IL3RA: variants seen among roughly 807,000 people sequenced by gnomAD.
IL3RA encodes interleukin-3 receptor subunit alpha.
A neutral mutation model predicts 52.3 loss-of-function variants in IL3RA; 73 were observed. The observed-to-expected ratio is 1.40, with a 90% CI of 1.16 to 1.70. The LOEUF (loss-of-function observed/expected upper bound fraction) is 1.70. Among genes scored for constraint, IL3RA ranks in the 40% most tolerant of loss-of-function variants. The pLI is 0.00. For missense variants in IL3RA, 664 were observed against 504.4 expected (o/e 1.32, Z -3.03); for synonymous variants, 260 against 194.0 (o/e 1.34, Z -2.83).
intron 2 of IL3RA, among the ~76,000 whole-genome samples, chrX:1,343,742 G>A (rs1268400840): frequency 6.7e-6 from 1 of 148,250 alleles, no homozygotes; most frequent in Non-Finnish European, 1.5e-5. Context: ...TGAGCTCTGT[G>A]ATGGCTAAGA....
At chrX:1,365,019 G>A in intron 8 of IL3RA, 119 bp from the exon 9 acceptor site, 2 of 646,710 alleles carry the variant, frequency 3.1e-6, no homozygotes, top group Non-Finnish European at 5.7e-6. Context: ...ATGTTGGCCA[G>A]GCTGGTCTCG....
chrX:1,340,088 C>T lies in IL3RA; in HGVS notation c.-38-1640C>T, dbSNP rs1272296644. Among the ~76,000 whole-genome samples, 3 of 150,746 alleles carry T rather than the reference C, an allele frequency of 2.0e-5. No individual in the cohort carries two copies. The East Asian group carries it at 5.9e-4, about 30-fold the overall frequency. On this transcript the variant is annotated intron_variant, in intron 1 of 11. Transcript: ENST00000331035. ...TCGAGCCAAGAACGGGCTAAACCCC[C>T]AGGGCAGCAACTCTTTCTTTTCTTT... is the stretch of plus-strand genomic sequence containing the variant.
Position 1,365,242 on chromosome X carries a change from C to A in IL3RA, c.864C>A (p.Pro288=). Residue 288 remains proline, a synonymous_variant, in exon 9 of 12, where the codon CCC becomes CCA. Transcript: ENST00000331035. ...VYEFLSAWST[P]QRFECDQEEG... ...AATTCTTGAGCGCCTGGAGCACCCC[C>A]CAGCGCTTCGGTGAGTGGGCTGTGC... 1 of 1,600,636 alleles carries A rather than the reference C, an allele frequency of 6.2e-7. No individual in the cohort carries two copies. The highest frequency in any genetic ancestry group is 8.5e-7 in the Non-Finnish European group (1 of 1,172,404).
chrX:1,346,374 G>C (rs17880871), intron 3 of IL3RA, among the ~76,000 whole-genome samples: 1 of 152,094 alleles, frequency 6.6e-6, no homozygotes, highest in Non-Finnish European at 1.5e-5. Flanking sequence ...GGGAGGCAGA[G>C]GTTGCATTGA....
chrX:1,356,461 C>A, intron 7 of IL3RA, 125 bp downstream of exon 7: 1 of 640,900 alleles, frequency 1.6e-6, no homozygotes, highest in Non-Finnish European at 2.8e-6. Flanking sequence ...AGGCATGGAT[C>A]ATTAAAAAAC....
intron 8 of IL3RA, among the ~76,000 whole-genome samples, chrX:1,360,627 T>C (rs2087185940): frequency 6.6e-6 from 1 of 151,906 alleles, no homozygotes; most frequent in Admixed American, 6.6e-5. Context: ...CAAGCGAATC[T>C]ACTCCCTCAG....
intron 9 of IL3RA, among the ~76,000 whole-genome samples, chrX:1,368,190 C>T (rs2088320382): frequency 6.6e-6 from 1 of 151,862 alleles, no homozygotes; most frequent in African/African-American, 2.4e-5. Flanking sequence ...ACCCGGGAGG[C>T]GGAGGTTGCA....
At chrX:1,382,233 C>G (rs867278772) in intron 11 of IL3RA, among the ~76,000 whole-genome samples, 158 bp from the exon 12 acceptor site, 73 of 26,046 alleles carry the variant, frequency 2.8e-3, no homozygotes, top group African/African-American at 0.016. Flanking sequence ...ACAGGTGTGA[C>G]CCACCGCGCC....
intron 9 of IL3RA, among the ~76,000 whole-genome samples, chrX:1,368,103 T>C (rs1244197256): frequency 2.6e-5 from 4 of 151,850 alleles, no homozygotes; most frequent in Non-Finnish European, 5.9e-5. Flanking sequence ...ACAAAAAATG[T>C]AACAAATTAG....
chrX:1,379,885 T>A (rs2089056908), intron 10 of IL3RA, among the ~76,000 whole-genome samples: 1 of 152,124 alleles, frequency 6.6e-6, no homozygotes, highest in South Asian at 2.1e-4. Flanking sequence ...TCAGCCTCCC[T>A]GAGTAGCTGG....
intron 7 of IL3RA, among the ~76,000 whole-genome samples, chrX:1,356,771 C>G (rs1157458156): frequency 6.5e-5 from 8 of 122,256 alleles, no homozygotes; most frequent in African/African-American, 9.2e-5. Flanking sequence ...GACTCCGTCT[C>G]AAAAAAAAAA....
chrX:1,343,410 A>G (rs1192665930), intron 2 of IL3RA, among the ~76,000 whole-genome samples: 1 of 151,974 alleles, frequency 6.6e-6, no homozygotes, highest in Non-Finnish European at 1.5e-5. Context: ...CACGTCTGTA[A>G]TCCCAGCACT....
In IL3RA at chrX:1,341,752, G is replaced by A. The variant is rs753185344; in HGVS notation, c.-14G>A. On this transcript the variant is annotated 5_prime_UTR_variant, in exon 2 of 12. Coordinates refer to ENST00000331035, the MANE Select transcript of IL3RA (RefSeq NM_002183.4). Reference sequence around the variant, plus strand: ...GCAGGCACCTCTGTCCTGCGTTCCGGAGCTGCGTTCCCGATGGTCCTCCTT... The same window carrying A: ...GCAGGCACCTCTGTCCTGCGTTCCGAAGCTGCGTTCCCGATGGTCCTCCTT... The A allele has an allele frequency of 6.2e-7, 1 of 1,613,732 alleles. No homozygotes were observed. The highest frequency in any genetic ancestry group is 2.2e-5 in the East Asian group (1 of 44,878).
At chrX:1,348,360 A>C in intron 3 of IL3RA, 71 bp from the exon 4 acceptor site, 1 of 1,258,468 alleles carries the variant, frequency 7.9e-7, no homozygotes, top group Non-Finnish European at 1.2e-6. Flanking sequence ...CCTCAAAAAA[A>C]ATCTGAACAT....
At chrX:1,356,173 T>C (rs777381354) in intron 6 of IL3RA, 48 bp from the exon 7 acceptor site, 14 of 1,158,850 alleles carry the variant, frequency 1.2e-5, no homozygotes, top group African/African-American at 7.9e-5. Context: ...AGAAAAAGAA[T>C]TGATTTCTTG....
At position 1,341,769 on chromosome X, in the gene IL3RA, GTCC is replaced by G; in HGVS notation, c.9_11del (p.Leu4del). 6.2e-7 allele frequency: 1 copy of G among 1,613,910 alleles called. No homozygotes were observed. The highest frequency in any genetic ancestry group is 1.3e-5 in the African/African-American group (1 of 75,000). ...GCGTTCCGGAGCTGCGTTCCCGATG[GTCC>G]TCCTTTGGCTCACGCTGCTCCTGAT... On this transcript the variant is annotated inframe_deletion, in exon 2 of 12. Transcript: ENST00000331035.
chrX:1,381,001 G>T, intron 10 of IL3RA, 22 bp from the exon 11 acceptor site: 1 of 1,608,136 alleles, frequency 6.2e-7, no homozygotes, highest in South Asian at 1.1e-5. Flanking sequence ...TTCAGAGCTG[G>T]GCCATTTCTC....
At chrX:1,362,287 T>C (rs1416136856) in intron 8 of IL3RA, among the ~76,000 whole-genome samples, 2 of 147,834 alleles carry the variant, frequency 1.4e-5, no homozygotes, top group African/African-American at 2.7e-5. Flanking sequence ...TCTTTCCCTC[T>C]CTGTCTCCCC....
chrX:1,339,653 G>A (rs1273346722), intron 1 of IL3RA, among the ~76,000 whole-genome samples: 2 of 152,114 alleles, frequency 1.3e-5, no homozygotes, highest in Non-Finnish European at 2.9e-5. Context: ...TTAGCTGGGT[G>A]TGGTGGCGGA....
Sources: gnomAD v4.1 joint callset for allele counts (sites outside exome capture counted in the v4.1 genomes callset) on GRCh38, gnomAD v4.1.1 for gene constraint, MANE v1.5 for transcripts, NCBI Gene and HGNC (gene_info 2026-07-23, HGNC 2026-07-21) for gene names.